The following SCAMP1 variants were observed in gnomAD, a reference collection of about 807,000 sequenced individuals.
The protein encoded by SCAMP1 is secretory carrier-associated membrane protein 1.
Under a neutral mutation model 41.8 loss-of-function variants are expected in SCAMP1, and 15 were observed. The ratio of observed to expected loss-of-function variants is 0.36; its 90% CI spans 0.24 to 0.55. The LOEUF (loss-of-function observed/expected upper bound fraction) is 0.55, where lower values mean the gene tolerates loss of function less well. Ranked by LOEUF, SCAMP1 falls within the 20% of genes least tolerant of loss-of-function variation. The pLI is 0.86. For synonymous variants in SCAMP1, 135 were observed against 136.8 expected (o/e 0.99, Z 0.09); for missense variants, 341 against 412.6 (o/e 0.83, Z 1.50).
chr5:78,406,199 G>A (rs1179715054), intron 2 of SCAMP1, among the ~76,000 whole-genome samples: 1 of 152,176 alleles, frequency 6.6e-6, no homozygotes, highest in African/African-American at 2.4e-5. Flanking sequence ...AAAAATGGTA[G>A]TTTGTTAAAA....
intron 1 of SCAMP1, chr5:78,360,981 G>A (rs1207066183): frequency 8.3e-6 from 4 of 480,558 alleles, no homozygotes; most frequent in Non-Finnish European, 1.1e-5. Flanking sequence ...GGTGAGGGTC[G>A]TGTCTGCAGC....
intron 8 of SCAMP1, among the ~76,000 whole-genome samples, chr5:78,469,890 T>G (rs1328208184): frequency 6.7e-5 from 1 of 15,022 alleles, no homozygotes; most frequent in Non-Finnish European, 1.7e-4. Context: ...TACAAGACAT[T>G]AAAAAAAAAA....
At chr5:78,437,661 G>C (rs80218817) in intron 6 of SCAMP1, among the ~76,000 whole-genome samples, 17 of 152,170 alleles carry the variant, frequency 1.1e-4, no homozygotes, top group African/African-American at 3.9e-4. Flanking sequence ...CAGGGATATT[G>C]GTCTAAAATT....
At position 78,412,453 on chromosome 5, in the gene SCAMP1, C is replaced by T. The variant is rs566384978; in HGVS notation, c.136-3067C>T. Among the ~76,000 whole-genome samples the T allele has an allele frequency of 3.3e-5, 5 of 151,844 alleles. No homozygotes were observed. The East Asian group carries it at 7.7e-4, about 23-fold the overall frequency. On this transcript the variant is annotated intron_variant, in intron 2 of 8. Coordinates refer to ENST00000621999, the MANE Select transcript of SCAMP1 (RefSeq NM_004866.6). ...GAGATACAGGGATTTTGTTTTTCCT[C>T]CCCCAATTTAAATAATTCTCCCAAC...
At chr5:78,438,773 A>G (rs1375200612) in intron 6 of SCAMP1, among the ~76,000 whole-genome samples, 1 of 152,120 alleles carries the variant, frequency 6.6e-6, no homozygotes, top group Non-Finnish European at 1.5e-5. Flanking sequence ...TATCCTTGTT[A>G]ACCTTCTGTC....
chr5:78,475,631 G>T lies in SCAMP1; in HGVS notation c.980G>T (p.Ser327Ile). 1 of 1,596,454 alleles carries T rather than the reference G, an allele frequency of 6.3e-7. No individual in the cohort carries two copies. Among genetic ancestry groups the T allele is most frequent in the Non-Finnish European group, 8.5e-7 (1 of 1,171,260 alleles). Reference sequence around the variant, plus strand: ...AATGCAGCTTCAACTGCAGCATCTAGTGCAGCTCAGAATGCTTTCAAGGGT... The same window carrying T: ...AATGCAGCTTCAACTGCAGCATCTATTGCAGCTCAGAATGCTTTCAAGGGT... ...AANAASTAAS[S>I]AAQNAFKGNQ... Residue 327 changes from serine (S) to isoleucine (I), a missense_variant, in exon 9 of 9, where the codon AGT (serine) becomes ATT (isoleucine). Coordinates refer to ENST00000621999, the MANE Select transcript of SCAMP1 (RefSeq NM_004866.6).
At position 78,437,198 on chromosome 5, in the gene SCAMP1, C is replaced by T. The variant is rs546412191; in HGVS notation, c.633-12735C>T. Among the ~76,000 whole-genome samples, 11 of 152,290 alleles carry T rather than the reference C, an allele frequency of 7.2e-5. No individual in the cohort carries two copies. The South Asian group carries it at 1.7e-3, about 23-fold the overall frequency. On this transcript the variant is annotated intron_variant, in intron 6 of 8. Transcript: ENST00000621999. ...CTTCCTCTTTTCCTAATTGAATACC[C>T]GTTATTTCTTTCTCTTGCCTGATTG...
intron 6 of SCAMP1, among the ~76,000 whole-genome samples, chr5:78,447,842 T>TCCCCCTCCCTCC (rs1753091621): frequency 2.8e-5 from 2 of 70,706 alleles, no homozygotes; most frequent in East Asian, 5.1e-4. Context: ...CCTCCCTTCT[T>TCCCCCTCCCTCC]TCCCCTCCCT....
intron 1 of SCAMP1, among the ~76,000 whole-genome samples, chr5:78,380,620 C>G (rs186069075): frequency 6.6e-6 from 1 of 152,018 alleles, no homozygotes; most frequent in East Asian, 1.9e-4. Flanking sequence ...TTATTGGTTA[C>G]TACTGCTGCT....
chr5:78,431,153 T>C (rs895699286), intron 6 of SCAMP1, among the ~76,000 whole-genome samples: 1 of 151,984 alleles, frequency 6.6e-6, no homozygotes, highest in African/African-American at 2.4e-5. Context: ...CATATAGATA[T>C]AACATTGCTA....
chr5:78,384,214 G>T, intron 1 of SCAMP1, among the ~76,000 whole-genome samples: 1 of 145,350 alleles, frequency 6.9e-6, no homozygotes, highest in Non-Finnish European at 1.5e-5. Flanking sequence ...TAAAAGGGGT[G>T]GAGTTCTTGA....
At chr5:78,466,798 G>A (rs2112245917) in intron 8 of SCAMP1, among the ~76,000 whole-genome samples, 1 of 152,288 alleles carries the variant, frequency 6.6e-6, no homozygotes, top group Non-Finnish European at 1.5e-5. Context: ...GATTTGCGGG[G>A]CCGAGCAGTC....
intron 2 of SCAMP1, among the ~76,000 whole-genome samples, chr5:78,405,923 T>G (rs2112118674): frequency 6.6e-6 from 1 of 152,346 alleles, no homozygotes; most frequent in Admixed American, 6.5e-5. Flanking sequence ...TAAAGTTATG[T>G]CTGTTTGTCC....
intron 2 of SCAMP1, among the ~76,000 whole-genome samples, chr5:78,414,375 C>T (rs1161100752): frequency 6.6e-6 from 1 of 151,984 alleles, no homozygotes; most frequent in Non-Finnish European, 1.5e-5. Flanking sequence ...CTCCGCCTCC[C>T]GGGTTCAAGC....
intron 7 of SCAMP1, among the ~76,000 whole-genome samples, chr5:78,458,770 C>T (rs1753502736): frequency 6.6e-6 from 1 of 152,106 alleles, no homozygotes; most frequent in South Asian, 2.1e-4. Flanking sequence ...ATCCCAGCTA[C>T]TCAGGAGGCT....
chr5:78,454,770 C>G (rs1405975834), intron 7 of SCAMP1, among the ~76,000 whole-genome samples: 1 of 152,210 alleles, frequency 6.6e-6, no homozygotes, highest in African/African-American at 2.4e-5. Context: ...ACCAGTTCCT[C>G]CTTGTACCTC....
At chr5:78,367,914 T>G (rs895788170) in intron 1 of SCAMP1, among the ~76,000 whole-genome samples, 2 of 152,206 alleles carry the variant, frequency 1.3e-5, no homozygotes, top group Non-Finnish European at 2.9e-5. Context: ...CCTTCACCTG[T>G]TATTTTCTTC....
At chr5:78,435,748 G>A (rs1388052946) in intron 6 of SCAMP1, among the ~76,000 whole-genome samples, 1 of 152,124 alleles carries the variant, frequency 6.6e-6, no homozygotes, top group Non-Finnish European at 1.5e-5. Flanking sequence ...GCCAGTAATG[G>A]GATGGCTGGG....
At chr5:78,399,530 G>C (rs1284005959) in intron 2 of SCAMP1, among the ~76,000 whole-genome samples, 1 of 152,198 alleles carries the variant, frequency 6.6e-6, no homozygotes, top group Non-Finnish European at 1.5e-5. Flanking sequence ...GTGTAGTGGT[G>C]TCATTGTTTT....
Sources: gnomAD v4.1 joint callset for allele counts (sites outside exome capture counted in the v4.1 genomes callset) on GRCh38, gnomAD v4.1.1 for gene constraint, MANE v1.5 for transcripts, NCBI Gene and HGNC (gene_info 2026-07-23, HGNC 2026-07-21) for gene names.